EPHB1: variants seen among roughly 807,000 people sequenced by gnomAD.
EPHB1 encodes ephrin type-B receptor 1.
EPHB1 carries 30 observed loss-of-function variants against 94.4 expected under a neutral mutation model. That is an observed-to-expected ratio of 0.32 (90% CI 0.24 to 0.43). EPHB1 has a LOEUF of 0.43. Ranked by LOEUF, EPHB1 falls within the 20% of genes least tolerant of loss-of-function variation. The pLI is 1.00. For synonymous variants in EPHB1, 522 were observed against 489.1 expected, an observed-to-expected ratio of 1.07 and a Z score of -0.89; for missense variants, 1,055 against 1,308.3, an observed-to-expected ratio of 0.81 and a Z score of 2.99.
At chr3:134,860,989 TAAG>T (rs2037244548) in intron 1 of EPHB1, among the ~76,000 whole-genome samples, 1 of 152,074 alleles carries the variant, frequency 6.6e-6, no homozygotes, top group South Asian at 2.1e-4. Context: ...TGTGCTTCTC[TAAG>T]AAGCACTTAG....
chr3:135,081,138 G>A (rs1227185128), intron 3 of EPHB1, among the ~76,000 whole-genome samples: 1 of 152,154 alleles, frequency 6.6e-6, no homozygotes, highest in Non-Finnish European at 1.5e-5. Context: ...TTAGCTCAGG[G>A]TTCTACCTTA....
intron 3 of EPHB1, among the ~76,000 whole-genome samples, chr3:135,079,994 T>C (rs1938106775): frequency 6.6e-6 from 1 of 152,160 alleles, no homozygotes; most frequent in Non-Finnish European, 1.5e-5. Context: ...ACAGTGCATC[T>C]CTGTAGCAAG....
At chr3:135,241,101 A>G (rs1421296759) in intron 12 of EPHB1, 47 bp from the exon 13 acceptor site, 6 of 1,613,584 alleles carry the variant, frequency 3.7e-6, no homozygotes, top group East Asian at 2.2e-5. Context: ...CCTGCCTTCA[A>G]TCAGAAACCT....
At chr3:135,183,177 T>G (rs1190350264) in intron 10 of EPHB1, among the ~76,000 whole-genome samples, 4 of 150,822 alleles carry the variant, frequency 2.7e-5, no homozygotes, top group Admixed American at 2.7e-4. Flanking sequence ...CATGAGCCCC[T>G]TCTTTCCTTC....
At chr3:134,848,571 G>A (rs1017068103) in intron 1 of EPHB1, among the ~76,000 whole-genome samples, 7 of 152,256 alleles carry the variant, frequency 4.6e-5, no homozygotes, top group East Asian at 1.9e-4. Context: ...TTCATTCATC[G>A]CAAGCATTAG....
intron 12 of EPHB1, among the ~76,000 whole-genome samples, chr3:135,219,837 C>T (rs552962396): frequency 5.9e-5 from 9 of 152,220 alleles, no homozygotes; most frequent in African/African-American, 1.7e-4. Flanking sequence ...ATAAGGAAGG[C>T]GGGGATCTTG....
chr3:134,824,700 T>A (rs1054894735), intron 1 of EPHB1, among the ~76,000 whole-genome samples: 2 of 152,196 alleles, frequency 1.3e-5, no homozygotes, highest in African/African-American at 4.8e-5. Flanking sequence ...CACAGCTTTT[T>A]ACCTGGATCT....
At chr3:135,186,723 T>C (rs1297949369) in intron 10 of EPHB1, among the ~76,000 whole-genome samples, 1 of 152,214 alleles carries the variant, frequency 6.6e-6, no homozygotes. Flanking sequence ...TTACATACAA[T>C]AGTTGAGGCA....
chr3:135,152,637 G>A (rs906644347), intron 5 of EPHB1, among the ~76,000 whole-genome samples: 9 of 152,132 alleles, frequency 5.9e-5, no homozygotes, highest in African/African-American at 2.2e-4. Flanking sequence ...AGCTTGCTGT[G>A]GGGGTTATAA....
rs1227211061 is a variant in EPHB1, at chr3:134,795,291, C to T, written c.-341C>T. On this transcript the variant is annotated 5_prime_UTR_variant, in exon 1 of 16. Coordinates refer to ENST00000398015, the MANE Select transcript of EPHB1 (RefSeq NM_004441.5). Reference sequence around the variant, plus strand: ...GCCGGCTCCGTCCTCCCGTAGGCTCCGCTGTAGCTAGCAATGTGACACCAG... The same window carrying T: ...GCCGGCTCCGTCCTCCCGTAGGCTCTGCTGTAGCTAGCAATGTGACACCAG... The T allele has an allele frequency of 4.8e-6, 2 of 417,260 alleles. No individual in the cohort carries two copies. The highest frequency in any genetic ancestry group is 8.5e-6 in the Non-Finnish European group (2 of 233,924). The allele number at this position is 417,260 out of a possible 1,614,324, so 25.8% of individuals were successfully genotyped here.
chr3:135,037,312 T>C (rs1174706592), intron 3 of EPHB1, among the ~76,000 whole-genome samples: 1 of 152,230 alleles, frequency 6.6e-6, no homozygotes, highest in Non-Finnish European at 1.5e-5. Flanking sequence ...GAGGATTTGA[T>C]AGAATGCTCC....
chr3:134,979,693 A>G (rs1455053339), intron 3 of EPHB1, among the ~76,000 whole-genome samples: 2 of 152,194 alleles, frequency 1.3e-5, no homozygotes, highest in African/African-American at 2.4e-5. Flanking sequence ...TTAAACTATG[A>G]TGTTAGGTGT....
chr3:134,934,344 A>G (rs1450320030), intron 2 of EPHB1, among the ~76,000 whole-genome samples: 3 of 152,150 alleles, frequency 2.0e-5, no homozygotes, highest in African/African-American at 7.2e-5. Flanking sequence ...GCCTTGGGTG[A>G]GAGCCAGGAA....
chr3:134,918,610 T>A (rs2038617142), intron 1 of EPHB1, among the ~76,000 whole-genome samples: 1 of 152,204 alleles, frequency 6.6e-6, no homozygotes, highest in Admixed American at 6.5e-5. Context: ...TTTCACTCAG[T>A]TGAAACACTG....
intron 3 of EPHB1, among the ~76,000 whole-genome samples, chr3:134,962,075 T>G (rs1559773392): frequency 6.6e-6 from 1 of 152,222 alleles, no homozygotes; most frequent in East Asian, 1.9e-4. Flanking sequence ...AAAAGGCATT[T>G]TCTACCAATT....
At chr3:135,064,739 TG>T (rs141372510) in intron 3 of EPHB1, among the ~76,000 whole-genome samples, 12,942 of 152,184 alleles carry the variant, frequency 0.085, 718 homozygotes, top group African/African-American at 0.16. Context: ...TCCTTTCCTC[TG>T]CTGGGTTTGG....
intron 15 of EPHB1, among the ~76,000 whole-genome samples, chr3:135,257,358 T>C (rs1933445996): frequency 6.6e-6 from 1 of 152,066 alleles, no homozygotes; most frequent in Non-Finnish European, 1.5e-5. Flanking sequence ...TTATCTACTT[T>C]TGGTCTTTGA....
At chr3:135,021,807 AAAT>A (rs762948279) in intron 3 of EPHB1, among the ~76,000 whole-genome samples, 26 of 152,232 alleles carry the variant, frequency 1.7e-4, no homozygotes, top group Non-Finnish European at 3.7e-4. Context: ...GCTAGGAAGA[AAAT>A]AACACATATT....
At chr3:134,956,295 T>C (rs1173982991) in intron 3 of EPHB1, among the ~76,000 whole-genome samples, 1 of 152,100 alleles carries the variant, frequency 6.6e-6, no homozygotes, top group East Asian at 1.9e-4. Flanking sequence ...GTGGATCTGT[T>C]CTTCCCCTGA....
Sources: gnomAD v4.1 joint callset for allele counts (sites outside exome capture counted in the v4.1 genomes callset) on GRCh38, gnomAD v4.1.1 for gene constraint, MANE v1.5 for transcripts, NCBI Gene and HGNC (gene_info 2026-07-23, HGNC 2026-07-21) for gene names.